IL2RB: variants seen among roughly 807,000 people sequenced by gnomAD.
IL2RB encodes interleukin-2 receptor subunit beta.
IL2RB carries 17 observed loss-of-function variants against 44.2 expected under a neutral mutation model. The ratio of observed to expected loss-of-function variants is 0.38; its 90% CI spans 0.26 to 0.58. IL2RB has a LOEUF of 0.58. Among genes scored for constraint, IL2RB ranks in the 20% least tolerant of loss-of-function variants. The pLI, the probability that IL2RB is intolerant of heterozygous loss-of-function variation, is 0.63. For synonymous variants in IL2RB, 286 were observed against 297.9 expected, an observed-to-expected ratio of 0.96 and a Z score of 0.41; for missense variants, 624 against 685.5, an observed-to-expected ratio of 0.91 and a Z score of 1.00.
intron 1 of IL2RB, among the ~76,000 whole-genome samples, chr22:37,144,638 G>A (rs369919507): frequency 7.9e-5 from 12 of 152,240 alleles, no homozygotes; most frequent in African/African-American, 2.2e-4. Flanking sequence ...CCAGCTACTC[G>A]GGAGTCTAAG....
At position 37,142,455 on chromosome 22, in the gene IL2RB, G is replaced by T. The variant is rs1922014059; in HGVS notation, c.261C>A (p.Asn87Lys). 6.2e-7 allele frequency: 1 copy of T among 1,614,056 alleles called. No homozygotes were observed. The part of the protein sequence containing the change: ...LPVSQASWAC[N>K]LILGAPDSQK... ...TCACATCTGGGGCTCCGAGGATCAG[G>T]TTGCAGGCCCAGGATGCTTGACTCA... is the stretch of plus-strand genomic sequence containing the variant. Residue 87 changes from asparagine (N) to lysine (K), a missense_variant, in exon 4 of 10, where the codon AAC (asparagine) becomes AAA (lysine). Transcript: ENST00000216223.
At chr22:37,145,247 C>T (rs369362877) in intron 1 of IL2RB, among the ~76,000 whole-genome samples, 122 of 152,274 alleles carry the variant, frequency 8.0e-4, no homozygotes, top group African/African-American at 2.7e-3. Context: ...ACCTTGTCCA[C>T]ACTCGTACTC....
chr22:37,171,395 G>A (rs777962956), intron 1 of IL2RB, among the ~76,000 whole-genome samples: 8 of 152,164 alleles, frequency 5.3e-5, no homozygotes, highest in Admixed American at 2.6e-4. Context: ...CCCTTGTGAC[G>A]CTTACAGTCT....
chr22:37,173,188 G>C (rs370373503), intron 1 of IL2RB, among the ~76,000 whole-genome samples: 1 of 152,132 alleles, frequency 6.6e-6, no homozygotes, highest in Non-Finnish European at 1.5e-5. Context: ...GGTCTCAGCT[G>C]AACCACCTCT....
rs763877949 is a variant in IL2RB at position 37,128,470 on chromosome 22, G to A, written c.1282C>T (p.Leu428=). ...CCGAGGAGACTGGGGGAGAAGAGCA[G>A]CAGGTCATCCCTGGAGGGGAAGGTG... ...YCTFPSRDDL[L]LFSPSLLGGP... is the part of the protein sequence containing the mutation. Residue 428 remains leucine, a synonymous_variant, in exon 10 of 10, where the codon CTG becomes TTG. Coordinates refer to ENST00000216223, the MANE Select transcript of IL2RB (RefSeq NM_000878.5). This position sits in a 1 kb window ranked among gnomAD's most constrained non-coding sequence, Gnocchi z 4.5. 2 of 1,584,584 alleles carry A rather than the reference G, an allele frequency of 1.3e-6. No homozygotes were observed. Among genetic ancestry groups the A allele is most frequent in the East Asian group, 4.5e-5 (2 of 44,436 alleles).
At chr22:37,132,749 CAG>C (rs1462632733) in intron 8 of IL2RB, among the ~76,000 whole-genome samples, 2 of 152,146 alleles carry the variant, frequency 1.3e-5, no homozygotes, top group Non-Finnish European at 2.9e-5. Flanking sequence ...TCTGTGGAGA[CAG>C]AGAGCACAGT....
chr22:37,150,717 C>T (rs1383719066), upstream of IL2RB, among the ~76,000 whole-genome samples: 3 of 152,264 alleles, frequency 2.0e-5, no homozygotes, highest in Non-Finnish European at 4.4e-5. Flanking sequence ...CAACAATCCC[C>T]ACCCCTCCAA....
At chr22:37,157,346 C>T (rs1922715875) in intron 1 of IL2RB, among the ~76,000 whole-genome samples, 1 of 152,162 alleles carries the variant, frequency 6.6e-6, no homozygotes, top group South Asian at 2.1e-4. Context: ...CAAGCCATCA[C>T]CCTTACTTCT....
chr22:37,149,352 C>T (rs1922376740), intron 1 of IL2RB, among the ~76,000 whole-genome samples: 2 of 152,186 alleles, frequency 1.3e-5, no homozygotes, highest in Non-Finnish European at 2.9e-5. Context: ...CCCTTCTGTC[C>T]CCACTTACTC....
chr22:37,135,129 C>G (rs1921619187), intron 8 of IL2RB, among the ~76,000 whole-genome samples, 199 bp downstream of exon 8: 1 of 152,086 alleles, frequency 6.6e-6, no homozygotes, highest in Admixed American at 6.5e-5. Context: ...ACAGGGAGGA[C>G]TCTTTGGAGG....
chr22:37,165,574 G>A (rs1481131098), intron 1 of IL2RB, among the ~76,000 whole-genome samples: 2 of 152,220 alleles, frequency 1.3e-5, no homozygotes, highest in African/African-American at 4.8e-5. Context: ...ATAGGCATGG[G>A]AACGAATGCA....
At chr22:37,165,933 A>G (rs147431073) in intron 1 of IL2RB, among the ~76,000 whole-genome samples, 97 of 152,304 alleles carry the variant, frequency 6.4e-4, no homozygotes, top group Middle Eastern at 6.8e-3. Flanking sequence ...TACGGCAAGG[A>G]AGTCATTCCT....
chr22:37,137,419 C>T (rs955765618), intron 6 of IL2RB, among the ~76,000 whole-genome samples, 168 bp downstream of exon 6: 6 of 152,160 alleles, frequency 3.9e-5, no homozygotes, highest in Non-Finnish European at 5.9e-5. Flanking sequence ...TAGATAAGGA[C>T]GTGGAAGTCG....
intron 8 of IL2RB, among the ~76,000 whole-genome samples, chr22:37,133,120 C>T (rs1167985302): frequency 6.6e-6 from 1 of 152,206 alleles, no homozygotes; most frequent in Non-Finnish European, 1.5e-5. Flanking sequence ...TGTACTGCAG[C>T]GCAGTGAGCG....
In IL2RB at chr22:37,173,946, G is replaced by A. The variant is rs117673783; in HGVS notation, c.-34+1012C>T. On this transcript the variant is annotated intron_variant, in intron 1 of 5. Coordinates refer to the IL2RB transcript ENST00000429622. ...GACACCCTGGCTGAGTCAGGCACCC[G>A]CATCTGACAATATGGCCAGAGAGTT... is the stretch of plus-strand genomic sequence containing the variant. Among the ~76,000 whole-genome samples, 97 of 152,268 alleles carry A rather than the reference G, an allele frequency of 6.4e-4. 8 individuals carry two copies. In the East Asian group the frequency reaches 0.019, roughly 29 times the overall value.
At chr22:37,156,437 G>C (rs1433579010) in intron 1 of IL2RB, among the ~76,000 whole-genome samples, 1 of 152,308 alleles carries the variant, frequency 6.6e-6, no homozygotes, top group East Asian at 1.9e-4. Context: ...AGGCCACCCA[G>C]GCTAGGTGGG....
intron 1 of IL2RB, chr22:37,166,869 G>T (rs1214663838): frequency 6.6e-6 from 1 of 152,146 alleles, no homozygotes; most frequent in Non-Finnish European, 1.5e-5. Flanking sequence ...TGGCTTCTGG[G>T]AAGACAGCAT....
At chr22:37,160,305 G>A (rs549613628) in intron 1 of IL2RB, among the ~76,000 whole-genome samples, 222 of 152,312 alleles carry the variant, frequency 1.5e-3, no homozygotes, top group African/African-American at 5.2e-3. Context: ...GCGGGGCCTC[G>A]CTCTTTCTCC....
chr22:37,144,287 C>CCCTCAGTGTGCATGGTCTGCACT (rs1922123808), intron 1 of IL2RB, 82 bp from the exon 2 acceptor site: 2 of 1,457,230 alleles, frequency 1.4e-6, no homozygotes, highest in Non-Finnish European at 1.8e-6. Flanking sequence ...TGGGCCCGCC[C>CCCTCAGTGTGCATGGTCTGCACT]CCTCAGTGTG....
Sources: gnomAD v4.1 joint callset for allele counts (sites outside exome capture counted in the v4.1 genomes callset) on GRCh38, gnomAD v4.1.1 for gene constraint, Gnocchi (gnomAD v3.1) non-coding constraint, MANE v1.5 for transcripts, NCBI Gene and HGNC (gene_info 2026-07-23, HGNC 2026-07-21) for gene names.